The following SMC5 variants were observed in gnomAD, a reference collection of about 807,000 sequenced individuals.
The protein encoded by SMC5 is structural maintenance of chromosomes protein 5.
A neutral mutation model predicts 148.3 loss-of-function variants in SMC5; 88 were observed. The observed-to-expected ratio is 0.59, with a 90% confidence interval of 0.50 to 0.71. SMC5 has a LOEUF of 0.71. Among genes scored for constraint, SMC5 ranks in the 30% least tolerant of loss-of-function variants. The pLI, the probability that SMC5 is intolerant of heterozygous loss-of-function variation, is 0.00. For synonymous variants in SMC5, 421 were observed against 432.8 expected, an observed-to-expected ratio of 0.97 and a Z score of 0.34; for missense variants, 1,142 against 1,298.9, an observed-to-expected ratio of 0.88 and a Z score of 1.86.
At chr9:70,323,442 T>G (rs756543436) in intron 15 of SMC5, 41 bp from the exon 16 acceptor site, 3 of 1,527,032 alleles carry the variant, frequency 2.0e-6, no homozygotes, top group East Asian at 2.4e-5. Flanking sequence ...TCAATTCTTA[T>G]GTTTAACACT....
chr9:70,302,361 G>A (rs113285918), intron 10 of SMC5, among the ~76,000 whole-genome samples: 1 of 152,094 alleles, frequency 6.6e-6, no homozygotes, highest in African/African-American at 2.4e-5. Context: ...TGGCATGGTG[G>A]CACGTGCCTG....
At chr9:70,352,160 C>G in intron 24 of SMC5, 31 bp from the exon 25 acceptor site, 5 of 1,575,882 alleles carry the variant, frequency 3.2e-6, no homozygotes, top group Non-Finnish European at 4.3e-6. Flanking sequence ...CAGTATATAG[C>G]TTATATGACA....
At position 70,318,554 on chromosome 9, in the gene SMC5, A is replaced by T; in HGVS notation, c.1847A>T (p.Glu616Val). 1 of 1,611,500 alleles carries T rather than the reference A, an allele frequency of 6.2e-7. No individual in the cohort carries two copies. The highest frequency in any genetic ancestry group is 8.5e-7 in the Non-Finnish European group (1 of 1,178,830). ...CGATTAAAACAGATTTATACAGCAG[A>T]AGAAAAGTATGTGGTGAAAACTTCT... is the stretch of plus-strand genomic sequence containing the variant. ...ETRLKQIYTA[E>V]EKYVVKTSFY... is the part of the protein sequence containing the mutation. Residue 616 changes from glutamate to valine, a missense_variant, in exon 14 of 25, where the codon GAA (glutamate) becomes GTA (valine). Physicochemically the swap from Glu to Val is moderately radical, Grantham distance 121 (BLOSUM62 -2). This residue lies in a region of SMC5 where 743 missense variants were observed against 835.7 expected (regional missense o/e 0.89). Transcript: ENST00000361138.
intron 8 of SMC5, among the ~76,000 whole-genome samples, chr9:70,296,419 G>A (rs544755397): frequency 4.6e-5 from 7 of 151,840 alleles, no homozygotes; most frequent in Admixed American, 4.6e-4. Flanking sequence ...AAAATTAACC[G>A]GGCATGGTGG....
At chr9:70,338,620 T>A (rs2036428867) in intron 17 of SMC5, among the ~76,000 whole-genome samples, 1 of 152,230 alleles carries the variant, frequency 6.6e-6, no homozygotes. Context: ...TCTTCTAATG[T>A]CTACTTCCAA....
chr9:70,282,038 T>TG (rs2034764292), intron 6 of SMC5, among the ~76,000 whole-genome samples: 1 of 140,562 alleles, frequency 7.1e-6, no homozygotes. Context: ...ATTTTCATTT[T>TG]GTTTTTTTTT....
Position 70,264,347 on chromosome 9 carries a change from A to G in SMC5, c.229A>G (p.Met77Val). ...AGTATCTCCTGGACCCCACTTGAAT[A>G]TGATCGTTGGAGCCAATGGAACAGG... ...CEVSPGPHLN[M>V]IVGANGTGKS... Residue 77 changes from methionine (M) to valine (V), a missense_variant, in exon 2 of 25, where the codon ATG (methionine) becomes GTG (valine). Physicochemically the swap from Met to Val is conservative, Grantham distance 21. Coordinates refer to ENST00000361138, the MANE Select transcript of SMC5 (RefSeq NM_015110.4). 2 of 1,613,986 alleles carry G rather than the reference A, an allele frequency of 1.2e-6. No individual in the cohort carries two copies. The highest frequency in any genetic ancestry group is 1.7e-6 in the Non-Finnish European group (2 of 1,179,916).
At position 70,350,415 on chromosome 9, in the gene SMC5, G is replaced by A. The variant is rs780751713; in HGVS notation, c.3109G>A (p.Val1037Ile). The change falls in exon 24 of 25, where the codon GTT becomes ATT. Residue 1037 changes from valine to isoleucine, a missense_variant. Around this residue, in one of 5 missense-constraint regions of SMC5, gnomAD observed 30 missense variants for 65.3 expected, o/e 0.46. Transcript: ENST00000361138. ...PINERRVFEM[V>I]VNTACKENTS... Reference sequence around the variant, plus strand: ...CAATGAACGGAGAGTGTTTGAAATGGTTGTAAATACTGCCTGTAAAGAAAA... The same window carrying A: ...CAATGAACGGAGAGTGTTTGAAATGATTGTAAATACTGCCTGTAAAGAAAA... The A allele has an allele frequency of 6.2e-7, 1 of 1,605,578 alleles. No homozygotes were observed. Among genetic ancestry groups the A allele is most frequent in the South Asian group, 1.1e-5 (1 of 88,760 alleles).
intron 1 of SMC5, among the ~76,000 whole-genome samples, chr9:70,262,566 A>C (rs780093592): frequency 6.6e-6 from 1 of 152,164 alleles, no homozygotes; most frequent in Admixed American, 6.5e-5. Context: ...AGACCACAAG[A>C]GTGGTTTTGG....
intron 11 of SMC5, chr9:70,311,655 G>A (rs2035660653): frequency 6.7e-6 from 1 of 149,018 alleles, no homozygotes; most frequent in South Asian, 2.1e-4. Flanking sequence ...CAACTTTAAT[G>A]ACACTATGTT....
At chr9:70,265,013 A>C (rs527445123) in intron 2 of SMC5, among the ~76,000 whole-genome samples, 1 of 152,232 alleles carries the variant, frequency 6.6e-6, no homozygotes, top group Non-Finnish European at 1.5e-5. Context: ...GAAAAGGTAC[A>C]GTAAAAATAC....
In SMC5 at chr9:70,289,348, A is replaced by AT. The variant is rs202161953; in HGVS notation, c.1053+3082dup. 5.5e-3 allele frequency among the ~76,000 whole-genome samples: 837 copies of AT among 152,196 alleles called. 5 individuals are homozygous for AT. The highest frequency in any genetic ancestry group is 0.017 in the African/African-American group (695 of 41,532). On this transcript the variant is annotated intron_variant, in intron 8 of 24. Transcript: ENST00000361138. The stretch of plus-strand genomic sequence containing the variant: ...CTACCGCACCTGGCCTGATTTAGTG[A>AT]TTTTTAAGGTGTCAGTATCTCCTTC...
At chr9:70,269,134 A>G (rs2034375519) in intron 3 of SMC5, among the ~76,000 whole-genome samples, 1 of 152,186 alleles carries the variant, frequency 6.6e-6, no homozygotes, top group South Asian at 2.1e-4. Context: ...ATTTATATAG[A>G]GATGAGAAAG....
Position 70,309,330 on chromosome 9 carries a change from TTTTTTTTTTTTTTTTTTTTG to T in SMC5, c.1578+3971_1578+3990del, listed in dbSNP as rs1158485404. Among the ~76,000 whole-genome samples, 572 of 72,730 alleles carry T rather than the reference TTTTTTTTTTTTTTTTTTTTG, an allele frequency of 7.9e-3. 4 individuals carry two copies. Among genetic ancestry groups the T allele is most frequent in the African/African-American group, 0.029 (533 of 18,454 alleles). 47.7% of individuals were successfully genotyped at this position (72,730 alleles called of 152,430 possible). A position where few individuals can be genotyped will look rare whatever the true frequency, so the allele number is the denominator to read the frequency against. On this transcript the variant is annotated intron_variant, in intron 11 of 24. Coordinates refer to ENST00000361138, the MANE Select transcript of SMC5 (RefSeq NM_015110.4). ...CTTTTTCCTTTTCCTTTTTTTTTTTTTTTTTTTTTTTTTTTTTTTGGGGACAGGGTCTTCCTCTGTCTCGC... is the reference window on the plus strand; with the variant it reads ...CTTTTTCCTTTTCCTTTTTTTTTTTTGGGACAGGGTCTTCCTCTGTCTCGC...
intron 11 of SMC5, among the ~76,000 whole-genome samples, 195 bp from the exon 12 acceptor site, chr9:70,314,547 A>T (rs1285868652): frequency 6.6e-6 from 1 of 151,676 alleles, no homozygotes; most frequent in East Asian, 1.9e-4. Flanking sequence ...TCTCTAAAAG[A>T]AGTGGACTCT....
At chr9:70,324,255 C>T (rs1460585341) in intron 17 of SMC5, 112 bp downstream of exon 17, 36 of 1,124,654 alleles carry the variant, frequency 3.2e-5, no homozygotes, top group African/African-American at 6.5e-5. Flanking sequence ...TGCTATTTAA[C>T]TTACAAATTT....
In SMC5 at chr9:70,352,335, A is replaced by C. The variant is rs367646838; in HGVS notation, c.*4A>C. The C allele has an allele frequency of 4.3e-5, 68 of 1,579,548 alleles. No individual in the cohort carries two copies. Among genetic ancestry groups the C allele is most frequent in the Non-Finnish European group, 5.4e-5 (63 of 1,166,482 alleles). ...TACATTCACTCAACCTTCTTAATAA[A>C]AGTAAAGAGAGGGAACTTGGGAATT... On this transcript the variant is annotated 3_prime_UTR_variant, in exon 25 of 25. Transcript: ENST00000361138.
intron 17 of SMC5, among the ~76,000 whole-genome samples, chr9:70,342,410 A>G (rs1390583454): frequency 6.6e-6 from 1 of 151,830 alleles, no homozygotes; most frequent in Non-Finnish European, 1.5e-5. Context: ...ATAATAAATA[A>G]TAATAATACA....
chr9:70,310,799 C>T (rs1370067570), intron 11 of SMC5: 1 of 152,204 alleles, frequency 6.6e-6, no homozygotes, highest in African/African-American at 2.4e-5. Flanking sequence ...GGATAACTTG[C>T]TGCAGCTTCT....
Sources: gnomAD v4.1 joint callset for allele counts (sites outside exome capture counted in the v4.1 genomes callset) on GRCh38, gnomAD v4.1.1 for gene constraint, gnomAD v4.1.1 regional missense constraint, MANE v1.5 for transcripts, NCBI Gene and HGNC (gene_info 2026-07-23, HGNC 2026-07-21) for gene names.